ASIC2: variants seen among roughly 807,000 people sequenced by gnomAD.
ASIC2 encodes the protein acid-sensing ion channel 2.
ASIC2 carries 25 observed loss-of-function variants against 57.3 expected under a neutral mutation model. The observed-to-expected ratio is 0.44, with a 90% CI of 0.32 to 0.61. The LOEUF (loss-of-function observed/expected upper bound fraction) is 0.61, where lower values mean the gene tolerates loss of function less well. ASIC2 is among the 20% of genes least tolerant of loss of function. The probability of loss-of-function intolerance (pLI) is 0.06; values close to 1 mark genes in which losing one functional copy is unlikely to be tolerated. For missense variants in ASIC2, 641 were observed against 738.1 expected (o/e 0.87, Z 1.52); for synonymous variants, 319 against 307.5 (o/e 1.04, Z -0.39).
chr17:33,249,432 G>A (rs1908806924), intron 1 of ASIC2, among the ~76,000 whole-genome samples: 1 of 152,166 alleles, frequency 6.6e-6, no homozygotes, highest in Non-Finnish European at 1.5e-5. Context: ...GAGGAGATGA[G>A]CAAGGGAGCG....
chr17:33,528,628 A>G (rs1914959940), intron 1 of ASIC2, among the ~76,000 whole-genome samples: 1 of 152,086 alleles, frequency 6.6e-6, no homozygotes. Flanking sequence ...AGAATATATC[A>G]TCCCGCATCC....
rs527390627 is a variant in ASIC2, at chr17:34,047,214, G to A, written c.555+108764C>T. On this transcript the variant is annotated intron_variant, in intron 1 of 9. Transcript: ENST00000359872. Reference sequence around the variant, plus strand: ...GGGCTACCCATTCACACATACATACGTGTATGTATTCAACATATTCATTTA... The same window carrying A: ...GGGCTACCCATTCACACATACATACATGTATGTATTCAACATATTCATTTA... Among the ~76,000 whole-genome samples the A allele has an allele frequency of 4.6e-5, 7 of 152,142 alleles. No individual in the cohort carries two copies. In the East Asian group the frequency reaches 5.8e-4, roughly 13 times the overall value.
At chr17:34,092,185 T>C (rs958720392) in intron 1 of ASIC2, among the ~76,000 whole-genome samples, 3 of 152,140 alleles carry the variant, frequency 2.0e-5, no homozygotes, top group African/African-American at 7.2e-5. Context: ...ACCTTTTGGC[T>C]CCGGGGCCAG....
At chr17:33,379,842 A>C (rs72821140) in intron 1 of ASIC2, among the ~76,000 whole-genome samples, 93 of 152,360 alleles carry the variant, frequency 6.1e-4, no homozygotes, top group Non-Finnish European at 1.1e-3. Flanking sequence ...AGCTCACTCT[A>C]TTCCATGTAC....
Position 33,569,969 on chromosome 17 carries a change from C to G in ASIC2, c.556-457902G>C, listed in dbSNP as rs142066302. Among the ~76,000 whole-genome samples, 7 of 152,106 alleles carry G rather than the reference C, an allele frequency of 4.6e-5. No individual in the cohort carries two copies. In the South Asian group the frequency reaches 1.0e-3, roughly 23 times the overall value. On this transcript the variant is annotated intron_variant, in intron 1 of 9. Coordinates refer to the ASIC2 transcript ENST00000359872. ...GGCAAGCTGGATTTTTTTCTCCTCT[C>G]CTTTTCTCCCGCCCTCTTTCTCCTT... is the stretch of plus-strand genomic sequence containing the variant.
At chr17:33,318,090 T>G (rs1023617899) in intron 1 of ASIC2, among the ~76,000 whole-genome samples, 2 of 152,136 alleles carry the variant, frequency 1.3e-5, no homozygotes, top group African/African-American at 4.8e-5. Flanking sequence ...TTAAACATCG[T>G]TAAGGCAGCA....
chr17:34,086,891 G>A lies in ASIC2; in HGVS notation c.555+69087C>T, dbSNP rs1910131804. ...GCCTTTTTTTGTTTTCCATTTGCTT[G>A]GTAGATCTTCCTCCATCCTTTTATT... is the stretch of plus-strand genomic sequence containing the variant. On this transcript the variant is annotated intron_variant, in intron 1 of 9. Coordinates refer to the ASIC2 transcript ENST00000359872. Among the ~76,000 whole-genome samples the A allele has an allele frequency of 2.6e-5, 4 of 152,118 alleles. No homozygotes were observed. In the South Asian group the frequency reaches 8.3e-4, roughly 32 times the overall value.
chr17:33,612,209 G>A (rs1477539405), intron 1 of ASIC2, among the ~76,000 whole-genome samples: 1 of 152,198 alleles, frequency 6.6e-6, no homozygotes, highest in Non-Finnish European at 1.5e-5. Context: ...ATCTTATCCA[G>A]AAACACCCTC....
At chr17:33,961,990 G>A (rs373136391) in intron 1 of ASIC2, among the ~76,000 whole-genome samples, 84 of 152,230 alleles carry the variant, frequency 5.5e-4, no homozygotes, top group African/African-American at 2.0e-3. Context: ...GGAATTCCTC[G>A]GTTCCAGATG....
chr17:34,075,344 C>A (rs1356809623), intron 1 of ASIC2, among the ~76,000 whole-genome samples: 4 of 152,196 alleles, frequency 2.6e-5, no homozygotes, highest in Non-Finnish European at 5.9e-5. Flanking sequence ...TCAGTTTCTT[C>A]CACAAAATTA....
chr17:33,483,716 C>T (rs771490847), intron 1 of ASIC2, among the ~76,000 whole-genome samples: 4 of 152,212 alleles, frequency 2.6e-5, no homozygotes, highest in Non-Finnish European at 5.9e-5. Context: ...ATGGCCTATT[C>T]ATGCTCTATC....
intron 1 of ASIC2, among the ~76,000 whole-genome samples, chr17:33,697,606 G>A (rs566215282): frequency 1.5e-4 from 23 of 152,174 alleles, no homozygotes; most frequent in Non-Finnish European, 2.9e-4. Context: ...AACAGCCCCT[G>A]GCCATAGGCT....
chr17:34,028,705 T>A (rs1174363856), intron 1 of ASIC2, among the ~76,000 whole-genome samples: 2 of 152,174 alleles, frequency 1.3e-5, no homozygotes, highest in African/African-American at 2.4e-5. Context: ...CCCACAGGTG[T>A]TCCTGGAGAT....
At chr17:33,020,155 C>T (rs1046020853) in intron 7 of ASIC2, among the ~76,000 whole-genome samples, 3 of 152,236 alleles carry the variant, frequency 2.0e-5, no homozygotes, top group Admixed American at 2.0e-4. Flanking sequence ...AAATGCTTAG[C>T]CAGCCCCTGG....
chr17:34,038,515 T>C, intron 1 of ASIC2: 1 of 1,611,806 alleles, frequency 6.2e-7, no homozygotes, highest in Non-Finnish European at 8.5e-7. Context: ...CCTTGTAAAC[T>C]TCACTGAAAC....
intron 1 of ASIC2, among the ~76,000 whole-genome samples, chr17:33,347,921 G>A (rs1043461311): frequency 2.6e-5 from 4 of 152,142 alleles, no homozygotes; most frequent in Admixed American, 1.3e-4. Flanking sequence ...GGCCAACATG[G>A]TGAAACCCTA....
chr17:33,016,133 T>A (rs1474923216), intron 8 of ASIC2, 94 bp from the exon 9 acceptor site: 9 of 1,225,710 alleles, frequency 7.3e-6, no homozygotes, highest in Middle Eastern at 2.7e-4. Context: ...GGGTGGCAGC[T>A]GCTTGGGCTG....
chr17:33,075,375 G>A (rs553755198), intron 3 of ASIC2, among the ~76,000 whole-genome samples: 1 of 152,266 alleles, frequency 6.6e-6, no homozygotes, highest in African/African-American at 2.4e-5. Context: ...GTCTTTATCA[G>A]CAGTGAGAAA....
At chr17:33,119,451 G>A (rs2092293197) in intron 1 of ASIC2, among the ~76,000 whole-genome samples, 1 of 152,216 alleles carries the variant, frequency 6.6e-6, no homozygotes, top group Non-Finnish European at 1.5e-5. Context: ...ATTGGGAAGT[G>A]AGAAAGTCTG....
Sources: allele counts gnomAD v4.1 joint callset (sites outside exome capture counted in the v4.1 genomes callset), GRCh38; gene constraint gnomAD v4.1.1; transcripts MANE v1.5; gene names NCBI Gene and HGNC (gene_info 2026-07-23, HGNC 2026-07-21).